Variants in SYT2 observed in about 807,000 individuals in gnomAD.
SYT2 encodes the protein synaptotagmin 2.
Under a neutral mutation model 39.9 loss-of-function variants are expected in SYT2, and 15 were observed. That is an observed-to-expected ratio of 0.38 (90% CI 0.25 to 0.58). The LOEUF (loss-of-function observed/expected upper bound fraction) is 0.58. Ranked by LOEUF, SYT2 falls within the 20% of genes least tolerant of loss-of-function variation. SYT2 has a pLI of 0.70. For synonymous variants in SYT2, 181 were observed against 204.5 expected (o/e 0.89, Z 0.98); for missense variants, 389 against 530.3 (o/e 0.73, Z 2.62).
At chr1:202,604,685 C>T in intron 2 of SYT2, 64 bp from the exon 3 acceptor site, 1 of 1,524,084 alleles carries the variant, frequency 6.6e-7, no homozygotes, top group Admixed American at 2.0e-5. Context: ...GACCCCGTAG[C>T]ATTGGGAAAA....
chr1:202,613,068 CTTTTTTT>C lies in SYT2; in HGVS notation c.-17-7286_-17-7280del, dbSNP rs146069389. Among the ~76,000 whole-genome samples the C allele has an allele frequency of 9.3e-5, 7 of 75,120 alleles. No homozygotes were observed. The Admixed American group carries it at 1.0e-3, about 11-fold the overall frequency. The allele number at this position is 75,120 out of a possible 152,430, so 49.3% of individuals were successfully genotyped here. A position where few individuals can be genotyped will look rare whatever the true frequency, so the allele number is the denominator to read the frequency against. On this transcript the variant is annotated intron_variant, in intron 1 of 8. Coordinates refer to ENST00000367268, the MANE Select transcript of SYT2 (RefSeq NM_177402.5). ...ACATTGCCGAACTCATTGGTTCTTC[CTTTTTTT>C]TTTTTTTTTTTTTTTTTTTTTTCCA...
At chr1:202,697,035 G>A (rs1653990449) in intron 1 of SYT2, among the ~76,000 whole-genome samples, 1 of 152,174 alleles carries the variant, frequency 6.6e-6, no homozygotes, top group Non-Finnish European at 1.5e-5. Flanking sequence ...CATTTCTGAG[G>A]ACAACAGCCC....
intron 1 of SYT2, among the ~76,000 whole-genome samples, chr1:202,639,051 T>C (rs1195297232): frequency 2.6e-5 from 4 of 152,184 alleles, no homozygotes; most frequent in African/African-American, 9.6e-5. Context: ...TCTGGGATTA[T>C]TTTTTTCACG....
chr1:202,595,015 A>G lies in SYT2; in HGVS notation c.*1742T>C, dbSNP rs1271752751. On this transcript the variant is annotated 3_prime_UTR_variant, in exon 9 of 9. Coordinates refer to ENST00000367268, the MANE Select transcript of SYT2 (RefSeq NM_177402.5). Reference sequence around the variant, plus strand: ...AAGTGGCCCAGATGGGGCAGGATAGAGATGCTGCCATTTGTGCTGGGAAAG... The same window carrying G: ...AAGTGGCCCAGATGGGGCAGGATAGGGATGCTGCCATTTGTGCTGGGAAAG... 1 of 152,268 alleles carries G rather than the reference A, an allele frequency of 6.6e-6. No homozygotes were observed. The highest frequency in any genetic ancestry group is 1.5e-5 in the Non-Finnish European group (1 of 68,086). 9.4% of individuals were successfully genotyped at this position (152,268 alleles called of 1,614,324 possible). A position where few individuals can be genotyped will look rare whatever the true frequency, so the allele number is the denominator to read the frequency against.
chr1:202,625,694 G>A (rs779651478), intron 1 of SYT2, among the ~76,000 whole-genome samples: 6 of 152,040 alleles, frequency 3.9e-5, no homozygotes, highest in African/African-American at 7.2e-5. Context: ...CCGCACCCCC[G>A]CCAGGCTCCC....
rs369136219 is a variant in SYT2 at position 202,688,990 on chromosome 1, C to G, written c.-18+21268G>C. ...CAGCTCCAGGAAGGTTAACGGCTCA[C>G]GGAGCAGCTCCAACGGGCCAGCCTC... On this transcript the variant is annotated intron_variant, in intron 1 of 8. Coordinates refer to ENST00000367268, the MANE Select transcript of SYT2 (RefSeq NM_177402.5). 2.0e-5 allele frequency among the ~76,000 whole-genome samples: 3 copies of G among 152,262 alleles called. No homozygotes were observed. In the East Asian group the frequency reaches 5.8e-4, roughly 29 times the overall value.
intron 1 of SYT2, among the ~76,000 whole-genome samples, chr1:202,606,159 A>C (rs1690699974): frequency 6.6e-6 from 1 of 152,168 alleles, no homozygotes; most frequent in South Asian, 2.1e-4. Context: ...CTTTCCATGC[A>C]TTATTCATCT....
At chr1:202,701,266 T>C (rs1654114673) in intron 1 of SYT2, among the ~76,000 whole-genome samples, 1 of 152,210 alleles carries the variant, frequency 6.6e-6, no homozygotes, top group African/African-American at 2.4e-5. Context: ...AACACCCAAG[T>C]CTGAATAACT....
At chr1:202,642,645 T>C (rs1691949048) in intron 1 of SYT2, among the ~76,000 whole-genome samples, 1 of 152,174 alleles carries the variant, frequency 6.6e-6, no homozygotes. Context: ...ATCTCAACCC[T>C]GGACGGCTGC....
At chr1:202,652,298 G>A (rs1417883590) in intron 1 of SYT2, among the ~76,000 whole-genome samples, 1 of 152,190 alleles carries the variant, frequency 6.6e-6, no homozygotes, top group Non-Finnish European at 1.5e-5. Flanking sequence ...GATGGCAGAA[G>A]AGGAACTCCT....
intron 1 of SYT2, among the ~76,000 whole-genome samples, chr1:202,629,910 ACT>A (rs1356263902): frequency 2.0e-5 from 2 of 99,396 alleles, no homozygotes; most frequent in African/African-American, 6.0e-5. Context: ...CTCAGAAGTG[ACT>A]CTGGAAGTCA....
At chr1:202,602,127 G>A in intron 5 of SYT2, 70 bp from the exon 6 acceptor site, 1 of 1,565,886 alleles carries the variant, frequency 6.4e-7, no homozygotes, top group Non-Finnish European at 8.7e-7. Flanking sequence ...TATGGGCAGG[G>A]GCCTGCATTC....
In SYT2 at chr1:202,600,576, C is replaced by G; in HGVS notation, c.802-102G>C. The G allele has an allele frequency of 4.1e-6, 4 of 972,606 alleles. No individual in the cohort carries two copies. In the South Asian group the frequency reaches 5.6e-5, roughly 14 times the overall value. The allele number at this position is 972,606 out of a possible 1,614,324, so 60.2% of individuals were successfully genotyped here. On this transcript the variant is annotated intron_variant, in intron 6 of 8. Transcript: ENST00000367268. ...AAAATTAGCAAGGCAGTGATGTGTC[C>G]CTGCCTCCCTCATCACCAGTCCCCA... is the stretch of plus-strand genomic sequence containing the variant.
intron 1 of SYT2, among the ~76,000 whole-genome samples, chr1:202,607,654 C>T (rs889413731): frequency 4.6e-4 from 70 of 152,266 alleles, no homozygotes; most frequent in African/African-American, 1.6e-3. Context: ...ATTCACCAAG[C>T]ATTTATTTAA....
At chr1:202,630,973 G>A (rs1691570255) in intron 1 of SYT2, among the ~76,000 whole-genome samples, 1 of 152,142 alleles carries the variant, frequency 6.6e-6, no homozygotes. Flanking sequence ...CCAGGATGAA[G>A]CACCTCCACC....
rs979786567 is a variant in SYT2 at position 202,601,764 on chromosome 1, G to T, written c.801+126C>A. 1 of 1,002,998 alleles carries T rather than the reference G, an allele frequency of 1.0e-6. No homozygotes were observed. The highest frequency in any genetic ancestry group is 1.5e-6 in the Non-Finnish European group (1 of 668,918). The allele number at this position is 1,002,998 out of a possible 1,614,324, so 62.1% of individuals were successfully genotyped here. On this transcript the variant is annotated intron_variant, in intron 6 of 8. Transcript: ENST00000367268. The surrounding 1 kb of genome is among the most constrained non-coding windows in gnomAD (Gnocchi z 4.0). ...GCCCAGGGTCACACAGCCAGGCAGTGTGGAGCTGGGATCCTAACACAGGTC... is the reference window on the plus strand; with the variant it reads ...GCCCAGGGTCACACAGCCAGGCAGTTTGGAGCTGGGATCCTAACACAGGTC...
In SYT2 at chr1:202,599,434, C is replaced by T. The variant is rs1690419149; in HGVS notation, c.920-83G>A. On this transcript the variant is annotated intron_variant, in intron 7 of 8. Coordinates refer to ENST00000367268, the MANE Select transcript of SYT2 (RefSeq NM_177402.5). This position sits in a 1 kb window ranked among gnomAD's most constrained non-coding sequence, Gnocchi z 4.4. ...CGAATGTACCAAGGCCTGCCCAGAG[C>T]ATCGGTCAAGAGGGGGTCTTCACTC... The T allele has an allele frequency of 1.4e-6, 2 of 1,472,854 alleles. No homozygotes were observed. 91.2% of individuals were successfully genotyped at this position (1,472,854 alleles called of 1,614,324 possible).
intron 1 of SYT2, among the ~76,000 whole-genome samples, chr1:202,642,751 C>A (rs1691954279): frequency 6.6e-6 from 1 of 152,218 alleles, no homozygotes; most frequent in African/African-American, 2.4e-5. Flanking sequence ...CAGTGTCGCG[C>A]GAGCATGGTC....
At chr1:202,630,427 G>A (rs1220236183) in intron 1 of SYT2, 2 of 983,746 alleles carry the variant, frequency 2.0e-6, no homozygotes, top group Non-Finnish European at 2.4e-6. Flanking sequence ...ACAGGGCAAA[G>A]GCACCTAGAA....
Sources: gnomAD v4.1 joint callset for allele counts (sites outside exome capture counted in the v4.1 genomes callset) on GRCh38, gnomAD v4.1.1 for gene constraint, Gnocchi (gnomAD v3.1) non-coding constraint, MANE v1.5 for transcripts, NCBI Gene and HGNC (gene_info 2026-07-23, HGNC 2026-07-21) for gene names.